DSC1: variants seen among roughly 807,000 people sequenced by gnomAD.
The protein encoded by DSC1 is desmocollin-1.
In DSC1, 79 loss-of-function variants were observed where a neutral mutation model predicts 98.8. The observed-to-expected ratio is 0.80, with a 90% CI of 0.67 to 0.96. The LOEUF is 0.96. DSC1 is among the 50% of genes least tolerant of loss of function. The probability of loss-of-function intolerance (pLI) is 0.00; values close to 1 mark genes in which losing one functional copy is unlikely to be tolerated. For missense variants in DSC1, 1,115 were observed against 1,075.9 expected, an observed-to-expected ratio of 1.04 and a Z score of -0.51; for synonymous variants, 405 against 372.1, an observed-to-expected ratio of 1.09 and a Z score of -1.02.
rs1304987574 is a variant in DSC1, at chr18:31,143,757, C to T, written c.974G>A (p.Arg325Gln). The change falls in exon 8 of 16, where the codon CGA becomes CAA. Residue 325 changes from arginine to glutamine, a missense_variant. Physicochemically the swap from Arg to Gln is conservative, Grantham distance 43 (BLOSUM62 1). Coordinates refer to ENST00000257198, the MANE Select transcript of DSC1 (RefSeq NM_024421.2). ...CDTYQLIMEVRDMGGQPFGLF... is the reference protein window; with the variant it reads ...CDTYQLIMEVQDMGGQPFGLF... ...ACCGAAAGGCTGACCACCCATGTCT[C>T]GCACTTCCATTATTAACTGGTAAGT... 17 of 1,599,646 alleles carry T rather than the reference C, an allele frequency of 1.1e-5. No homozygotes were observed. Among genetic ancestry groups the T allele is most frequent in the Admixed American group, 1.7e-5 (1 of 58,574 alleles).
rs1988442880 is a variant in DSC1, at chr18:31,129,718, G to A, written c.*796C>T. The stretch of plus-strand genomic sequence containing the variant: ...AAATGTTAGTAGTAAACCATGTTGA[G>A]CAAACGAAACATATTTGTGAGCATA... On this transcript the variant is annotated 3_prime_UTR_variant, in exon 16 of 16. Transcript: ENST00000257198. 1 of 152,110 alleles carries A rather than the reference G, an allele frequency of 6.6e-6. No individual in the cohort carries two copies. The highest frequency in any genetic ancestry group is 1.5e-5 in the Non-Finnish European group (1 of 68,034). 9.4% of individuals were successfully genotyped at this position (152,110 alleles called of 1,614,324 possible). A position where few individuals can be genotyped will look rare whatever the true frequency, so the allele number is the denominator to read the frequency against.
At chr18:31,145,464 G>A (rs1468718116) in intron 7 of DSC1, 147 bp downstream of exon 7, 2 of 747,414 alleles carry the variant, frequency 2.7e-6, no homozygotes, top group Admixed American at 5.8e-5. Context: ...TCTAAGGACC[G>A]AGGACATCTC....
chr18:31,137,448 G>A (rs541497193), intron 11 of DSC1, among the ~76,000 whole-genome samples: 1 of 152,226 alleles, frequency 6.6e-6, no homozygotes, highest in African/African-American at 2.4e-5. Flanking sequence ...AATGTATAAC[G>A]TGGAGATTCA....
At chr18:31,153,889 T>A (rs1031982331) in intron 5 of DSC1, among the ~76,000 whole-genome samples, 2 of 152,314 alleles carry the variant, frequency 1.3e-5, no homozygotes, top group African/African-American at 4.8e-5. Context: ...CACTAACTAC[T>A]ACTCATTCTC....
At chr18:31,138,124 G>A (rs1423902510) in intron 11 of DSC1, among the ~76,000 whole-genome samples, 1 of 151,820 alleles carries the variant, frequency 6.6e-6, no homozygotes, top group Admixed American at 6.6e-5. Flanking sequence ...CTACGGCCCT[G>A]GAATGTAGAT....
In DSC1 at chr18:31,137,683, C is replaced by A. The variant is rs187182211; in HGVS notation, c.1663+2065G>T. Among the ~76,000 whole-genome samples the A allele has an allele frequency of 1.8e-4, 28 of 152,238 alleles. No homozygotes were observed. The East Asian group carries it at 3.7e-3, about 20-fold the overall frequency. On this transcript the variant is annotated intron_variant, in intron 11 of 15. Coordinates refer to ENST00000257198, the MANE Select transcript of DSC1 (RefSeq NM_024421.2). ...CCACACCATATATGATAATTGTTAT[C>A]CCCAGTTCAAAAGGTATTTAGAGAA...
At position 31,142,001 on chromosome 18, in the gene DSC1, T is replaced by A; in HGVS notation, c.1258A>T (p.Lys420Ter). 6.3e-7 allele frequency: 1 copy of A among 1,598,560 alleles called. No homozygotes were observed. ...NTNEGVLCVVKPLNYEVNRQV... is the reference protein window; with the variant it reads ...NTNEGVLCVV The stretch of plus-strand genomic sequence containing the variant: ...GCCTGATTATTTTATTTGTTTACCT[T>A]GACAACACACAGCACTCCTTCATTT... Residue 420 changes from lysine to a stop codon, truncating the protein, a stop_gained and splice_region_variant, in exon 9 of 16, where the codon AAG becomes TAG. Transcript: ENST00000257198. LOFTEE classifies it high-confidence loss of function.
chr18:31,135,424 G>T (rs2144918520), intron 11 of DSC1, among the ~76,000 whole-genome samples: 1 of 152,206 alleles, frequency 6.6e-6, no homozygotes, highest in South Asian at 2.1e-4. Flanking sequence ...ACACTGAACT[G>T]CAAAAGTAGC....
chr18:31,144,075 A>G (rs1055368672), intron 7 of DSC1, among the ~76,000 whole-genome samples: 1 of 151,932 alleles, frequency 6.6e-6, no homozygotes, highest in African/African-American at 2.4e-5. Flanking sequence ...ACACCCAGCT[A>G]ATCTTTGTAT....
intron 5 of DSC1, 23 bp from the exon 6 acceptor site, chr18:31,148,665 CAAT>C: frequency 6.5e-7 from 1 of 1,540,464 alleles, no homozygotes; most frequent in South Asian, 1.2e-5. Context: ...AAAATACCAT[CAAT>C]GTATTCTCAA....
Position 31,156,167 on chromosome 18 carries a change from A to C in DSC1, c.352-5T>G, listed in dbSNP as rs201639111. The stretch of plus-strand genomic sequence containing the variant: ...GGTATGTCTCTTCTTAGGAGACTAC[A>C]TTTGACAAGAAACAAAGAAATGTAG... On this transcript the variant is annotated splice_polypyrimidine_tract_variant and splice_region_variant and intron_variant, in intron 3 of 15. Transcript: ENST00000257198. 8 of 1,598,318 alleles carry C rather than the reference A, an allele frequency of 5.0e-6. No individual in the cohort carries two copies. Among genetic ancestry groups the C allele is most frequent in the Non-Finnish European group, 6.8e-6 (8 of 1,176,228 alleles).
chr18:31,145,546 T>C (rs944955510), intron 7 of DSC1, 65 bp downstream of exon 7: 2 of 1,574,864 alleles, frequency 1.3e-6, no homozygotes, highest in Non-Finnish European at 1.7e-6. Flanking sequence ...TTGCAACTTC[T>C]CTCGGGAGTT....
chr18:31,139,139 T>A (rs542957420), intron 11 of DSC1, among the ~76,000 whole-genome samples: 9 of 152,202 alleles, frequency 5.9e-5, no homozygotes, highest in Admixed American at 2.0e-4. Context: ...TAGAAATTTG[T>A]ATGTTCAAAA....
intron 6 of DSC1, among the ~76,000 whole-genome samples, chr18:31,146,363 T>G (rs2144939602): frequency 6.6e-6 from 1 of 152,330 alleles, no homozygotes; most frequent in Admixed American, 6.5e-5. Flanking sequence ...TGTGTGTTAA[T>G]TTGCTTAGGA....
chr18:31,133,812 TA>T, intron 13 of DSC1, 78 bp downstream of exon 13: 2 of 1,412,102 alleles, frequency 1.4e-6, no homozygotes, highest in Non-Finnish European at 9.5e-7. Context: ...GCTATTAATA[TA>T]AAAAACTTCC....
intron 5 of DSC1, among the ~76,000 whole-genome samples, chr18:31,149,007 A>G (rs1420263519): frequency 1.3e-5 from 2 of 152,242 alleles, no homozygotes; most frequent in East Asian, 3.8e-4. Context: ...ACAGATGTAT[A>G]TATACATACA....
In DSC1 at chr18:31,132,669, A is replaced by G. The variant is rs1303334322; in HGVS notation, c.2137T>C (p.Cys713Arg). Residue 713 changes from cysteine (C) to arginine (R), a missense_variant, in exon 14 of 16, where the codon TGT (cysteine) becomes CGT (arginine). By Grantham distance (180) the Cys-to-Arg change is radical. Transcript: ENST00000257198. The part of the protein sequence containing the change: ...LLLCILFTCF[C>R]VTAKRTVKKC... ...TTGACTGTTCTCTTAGCAGTGACAC[A>G]GAAACATGTAAACAGAATACCTAAA... The G allele has an allele frequency of 6.2e-7, 1 of 1,613,174 alleles. No homozygotes were observed. Among genetic ancestry groups the G allele is most frequent in the East Asian group, 2.2e-5 (1 of 44,796 alleles).
intron 11 of DSC1, among the ~76,000 whole-genome samples, chr18:31,136,416 C>A (rs573582513): frequency 6.6e-6 from 1 of 152,086 alleles, no homozygotes; most frequent in Admixed American, 6.5e-5. Context: ...ATTATAGTAA[C>A]GCAAATCAAG....
At position 31,132,683 on chromosome 18, in the gene DSC1, A is replaced by C. The variant is rs1988521480; in HGVS notation, c.2123T>G (p.Leu708Arg). Reference protein sequence around the residue: ...VLGSVLLLCILFTCFCVTAKR... With the variant: ...VLGSVLLLCIRFTCFCVTAKR... ...AGCAGTGACACAGAAACATGTAAAC[A>C]GAATACCTAAAAAGCAAAAAAGATC... Residue 708 changes from leucine to arginine, a missense_variant, in exon 14 of 16, where the codon CTG (leucine) becomes CGG (arginine). Coordinates refer to ENST00000257198, the MANE Select transcript of DSC1 (RefSeq NM_024421.2). 1.2e-6 allele frequency: 2 copies of C among 1,610,306 alleles called. No individual in the cohort carries two copies. Among genetic ancestry groups the C allele is most frequent in the East Asian group, 2.2e-5 (1 of 44,784 alleles).
Sources: gnomAD v4.1 joint callset for allele counts (sites outside exome capture counted in the v4.1 genomes callset) on GRCh38, gnomAD v4.1.1 for gene constraint, MANE v1.5 for transcripts, NCBI Gene and HGNC (gene_info 2026-07-23, HGNC 2026-07-21) for gene names.